The following PRKN variants were observed in gnomAD, a reference collection of about 807,000 sequenced individuals.
PRKN encodes the protein E3 ubiquitin-protein ligase parkin.
In PRKN, 56 loss-of-function variants were observed where a neutral mutation model predicts 59.5. That is an observed-to-expected ratio of 0.94 (90% CI 0.76 to 1.18). PRKN has a LOEUF of 1.18. Among genes scored for constraint, PRKN ranks in the 50% most tolerant of loss-of-function variants. The pLI, the probability that PRKN is intolerant of heterozygous loss-of-function variation, is 0.00. For missense variants in PRKN, 657 were observed against 596.4 expected (o/e 1.10, Z -1.06); for synonymous variants, 250 against 222.1 (o/e 1.13, Z -1.12).
intron 7 of PRKN, among the ~76,000 whole-genome samples, chr6:161,688,935 C>A (rs1785668413): frequency 6.6e-6 from 1 of 152,174 alleles, no homozygotes; most frequent in African/African-American, 2.4e-5. Context: ...ATTGCCAATT[C>A]ATTCAGAGGT....
At chr6:161,893,899 G>A (rs1455236609) in intron 6 of PRKN, among the ~76,000 whole-genome samples, 1 of 152,160 alleles carries the variant, frequency 6.6e-6, no homozygotes, top group Non-Finnish European at 1.5e-5. Flanking sequence ...ATCTGGGTAA[G>A]TCATCTCTCC....
At chr6:162,609,338 G>T (rs1479710675) in intron 1 of PRKN, among the ~76,000 whole-genome samples, 1 of 152,116 alleles carries the variant, frequency 6.6e-6, no homozygotes, top group Non-Finnish European at 1.5e-5. Context: ...CCACGAAAGT[G>T]GGAATTAAAC....
chr6:161,813,999 G>A (rs1299420527), intron 6 of PRKN, among the ~76,000 whole-genome samples: 1 of 152,148 alleles, frequency 6.6e-6, no homozygotes, highest in Non-Finnish European at 1.5e-5. Flanking sequence ...AATGGACAGA[G>A]GTGGGGCAAA....
chr6:161,440,013 C>T lies in PRKN; in HGVS notation c.1084-53136G>A, dbSNP rs549379557. On this transcript the variant is annotated intron_variant, in intron 9 of 11. Transcript: ENST00000366898. The surrounding 1 kb of genome is among the most constrained non-coding windows in gnomAD (Gnocchi z 4.1). ...CCGCCCAGGCTGGAGTGCAGTGGCG[C>T]GATCTCGGCTCACTGCAAGCTCCAC... Among the ~76,000 whole-genome samples the T allele has an allele frequency of 8.2e-4, 124 of 151,344 alleles. No individual in the cohort carries two copies. The highest frequency in any genetic ancestry group is 2.8e-3 in the African/African-American group (116 of 41,258).
intron 7 of PRKN, among the ~76,000 whole-genome samples, chr6:161,689,460 G>A (rs1399465789): frequency 6.6e-6 from 1 of 152,138 alleles, no homozygotes; most frequent in African/African-American, 2.4e-5. Context: ...TTTCTAGACT[G>A]TTCAGCACCC....
intron 2 of PRKN, among the ~76,000 whole-genome samples, chr6:162,323,095 T>C (rs1171913911): frequency 1.5e-5 from 2 of 136,394 alleles, no homozygotes; most frequent in East Asian, 5.3e-4. Context: ...GGGGGAGGGA[T>C]AGCACTGGGA....
chr6:161,545,023 T>C lies in PRKN; in HGVS notation c.1083+3831A>G, dbSNP rs1465425779. 5.5e-6 allele frequency: 2 copies of C among 366,910 alleles called. No individual in the cohort carries two copies. Among genetic ancestry groups the C allele is most frequent in the Middle Eastern group, 1.1e-3 (1 of 932 alleles). 22.7% of individuals were successfully genotyped at this position (366,910 alleles called of 1,614,324 possible). A position where few individuals can be genotyped will look rare whatever the true frequency, so the allele number is the denominator to read the frequency against. On this transcript the variant is annotated intron_variant, in intron 9 of 11. Coordinates refer to ENST00000366898, the MANE Select transcript of PRKN (RefSeq NM_004562.3). This position sits in a 1 kb window ranked among gnomAD's most constrained non-coding sequence, Gnocchi z 4.1. ...CCCAGGTACATGGTCGTGGGTGAAA[T>C]GACTAGAAGATTAGAATCCTCTGGA...
intron 1 of PRKN, among the ~76,000 whole-genome samples, chr6:162,538,137 G>A (rs371022682): frequency 2.6e-5 from 4 of 152,180 alleles, no homozygotes; most frequent in East Asian, 3.9e-4. Context: ...GGTGGCTCAC[G>A]CCTGTAATCC....
At chr6:161,577,146 T>G (rs1583250984) in intron 7 of PRKN, among the ~76,000 whole-genome samples, 1 of 152,316 alleles carries the variant, frequency 6.6e-6, no homozygotes, top group East Asian at 1.9e-4. Flanking sequence ...TCTATGATGC[T>G]TAGTAGGAAC....
chr6:162,130,751 C>A (rs1781319000), intron 4 of PRKN, among the ~76,000 whole-genome samples: 1 of 152,102 alleles, frequency 6.6e-6, no homozygotes, highest in Admixed American at 6.6e-5. Flanking sequence ...TCTAGGTTTA[C>A]CACTCACTTG....
intron 9 of PRKN, among the ~76,000 whole-genome samples, chr6:161,425,162 C>T (rs917832928): frequency 1.3e-5 from 2 of 152,132 alleles, no homozygotes; most frequent in African/African-American, 2.4e-5. Context: ...GAGGAAACTG[C>T]ATCCTGAGAG....
intron 7 of PRKN, among the ~76,000 whole-genome samples, chr6:161,665,008 G>A (rs958467155): frequency 1.3e-5 from 2 of 151,776 alleles, no homozygotes; most frequent in East Asian, 3.9e-4. Context: ...GGCTGGTCTC[G>A]AACTCCTGAC....
chr6:161,765,904 TCAAAAACAAAATAAAA>T (rs946374703), intron 7 of PRKN, among the ~76,000 whole-genome samples: 2 of 152,148 alleles, frequency 1.3e-5, no homozygotes, highest in African/African-American at 4.8e-5. Context: ...GAGTAACAAA[TCAAAAACAAAATAAAA>T]CAAAATGCTT....
chr6:162,679,415 A>C (rs1779686345), intron 1 of PRKN, among the ~76,000 whole-genome samples: 1 of 152,114 alleles, frequency 6.6e-6, no homozygotes, highest in Non-Finnish European at 1.5e-5. Flanking sequence ...GGTGTTTTGA[A>C]GAGCCGAATT....
intron 6 of PRKN, among the ~76,000 whole-genome samples, chr6:161,793,858 A>C (rs1287166513): frequency 6.6e-6 from 1 of 152,188 alleles, no homozygotes; most frequent in Non-Finnish European, 1.5e-5. Context: ...TGAAAATATA[A>C]ATTCTCTATC....
chr6:162,643,136 G>A (rs1005016085), intron 1 of PRKN, among the ~76,000 whole-genome samples: 26 of 152,054 alleles, frequency 1.7e-4, no homozygotes, highest in Admixed American at 1.3e-4. Flanking sequence ...GGTGGCTGGC[G>A]CCTGTAATCC....
chr6:162,401,199 G>T (rs1168088102), intron 2 of PRKN, among the ~76,000 whole-genome samples: 1 of 149,182 alleles, frequency 6.7e-6, no homozygotes, highest in Non-Finnish European at 1.5e-5. Flanking sequence ...ATAAAAGTCA[G>T]AAAAAAAGAA....
chr6:162,108,358 C>T (rs185638308), intron 4 of PRKN, among the ~76,000 whole-genome samples: 2 of 152,142 alleles, frequency 1.3e-5, no homozygotes, highest in Non-Finnish European at 2.9e-5. Context: ...TAGGAATCAG[C>T]GCACTTCACT....
Position 161,521,787 on chromosome 6 carries a change from T to G in PRKN, c.1083+27067A>C, listed in dbSNP as rs539855764. On this transcript the variant is annotated intron_variant, in intron 9 of 11. Coordinates refer to ENST00000366898, the MANE Select transcript of PRKN (RefSeq NM_004562.3). ...TTGATTACTGGGGCCATAAACAGCT[T>G]TCCCGTGAGAGCTGAGGTGAACATT... Among the ~76,000 whole-genome samples the G allele has an allele frequency of 2.0e-5, 3 of 152,292 alleles. No individual in the cohort carries two copies. The South Asian group carries it at 6.2e-4, about 32-fold the overall frequency.
Sources: allele counts gnomAD v4.1 joint callset (sites outside exome capture counted in the v4.1 genomes callset), GRCh38; gene constraint gnomAD v4.1.1; non-coding constraint Gnocchi (gnomAD v3.1); transcripts MANE v1.5; gene names NCBI Gene and HGNC (gene_info 2026-07-23, HGNC 2026-07-21).